Variants in DLG2 observed in about 807,000 individuals in gnomAD.
DLG2 encodes disks large homolog 2.
In DLG2, 45 loss-of-function variants were observed where a neutral mutation model predicts 132.5. That is an observed-to-expected ratio of 0.34 (90% confidence interval 0.27 to 0.44). The LOEUF (loss-of-function observed/expected upper bound fraction) is 0.44. Ranked by LOEUF, DLG2 falls within the 20% of genes least tolerant of loss-of-function variation. The pLI is 1.00. For missense variants in DLG2, 1,045 were observed against 1,196.9 expected (o/e 0.87, Z 1.87); for synonymous variants, 424 against 419.6 (o/e 1.01, Z -0.13).
chr11:83,850,445 G>A (rs991625659), intron 16 of DLG2, among the ~76,000 whole-genome samples: 14 of 152,240 alleles, frequency 9.2e-5, no homozygotes, highest in East Asian at 5.8e-4. Context: ...GAGCCACCGC[G>A]GCAGCCCGGG....
intron 6 of DLG2, among the ~76,000 whole-genome samples, chr11:85,070,681 G>A (rs117987364): frequency 0.019 from 2,949 of 151,828 alleles, 50 homozygotes; most frequent in Admixed American, 0.041. Flanking sequence ...CAAAGACTGT[G>A]CTTCCTCACT....
At chr11:84,146,051 G>A (rs954853302) in intron 9 of DLG2, among the ~76,000 whole-genome samples, 3 of 152,174 alleles carry the variant, frequency 2.0e-5, no homozygotes, top group African/African-American at 7.2e-5. Flanking sequence ...TTCCAAATCA[G>A]AAAGGTTTCT....
chr11:84,053,788 T>G (rs1036198029), intron 11 of DLG2, among the ~76,000 whole-genome samples: 1 of 152,008 alleles, frequency 6.6e-6, no homozygotes, highest in African/African-American at 2.4e-5. Context: ...TTATGAACAT[T>G]ATAAGTGTTC....
At chr11:83,504,154 C>T (rs181979991) in intron 21 of DLG2, among the ~76,000 whole-genome samples, 63 of 152,320 alleles carry the variant, frequency 4.1e-4, no homozygotes, top group African/African-American at 1.3e-3. Context: ...ATCCTTATGA[C>T]AATTACACTC....
chr11:84,233,642 C>T (rs980225330), intron 8 of DLG2, among the ~76,000 whole-genome samples: 1 of 152,162 alleles, frequency 6.6e-6, no homozygotes, highest in Non-Finnish European at 1.5e-5. Context: ...AAATGGCACA[C>T]CTGGTCTAAC....
At chr11:84,651,735 T>G (rs2099682295) in intron 6 of DLG2, among the ~76,000 whole-genome samples, 1 of 152,200 alleles carries the variant, frequency 6.6e-6, no homozygotes, top group Non-Finnish European at 1.5e-5. Context: ...GTGACTTGTA[T>G]AATCTATGGG....
intron 7 of DLG2, among the ~76,000 whole-genome samples, chr11:84,446,718 A>T (rs776733689): frequency 4.6e-5 from 7 of 152,160 alleles, no homozygotes; most frequent in Non-Finnish European, 1.0e-4. Context: ...GTCCTTTCAC[A>T]AATGAGAATC....
chr11:85,586,256 A>G (rs2078963668), intron 3 of DLG2, among the ~76,000 whole-genome samples: 1 of 152,088 alleles, frequency 6.6e-6, no homozygotes, highest in Admixed American at 6.5e-5. Context: ...GTCTTTCTCT[A>G]TCTTTTGGAA....
intron 19 of DLG2, among the ~76,000 whole-genome samples, chr11:83,570,908 G>A (rs887607476): frequency 2.0e-5 from 3 of 152,134 alleles, no homozygotes; most frequent in African/African-American, 7.2e-5. Context: ...TTGAAATGGA[G>A]TTTTGCTCTT....
At chr11:84,532,430 T>C (rs1026889872) in intron 7 of DLG2, among the ~76,000 whole-genome samples, 3 of 152,102 alleles carry the variant, frequency 2.0e-5, no homozygotes, top group Admixed American at 2.0e-4. Context: ...TTGGGAGGTA[T>C]GCTCTAGAGG....
At chr11:83,889,586 T>C (rs1247453557) in intron 15 of DLG2, among the ~76,000 whole-genome samples, 1 of 152,196 alleles carries the variant, frequency 6.6e-6, no homozygotes, top group Non-Finnish European at 1.5e-5. Context: ...GCATGCCATT[T>C]GACCCAGCCA....
chr11:84,705,050 C>T lies in DLG2; in HGVS notation c.358-170319G>A, dbSNP rs189031599. Among the ~76,000 whole-genome samples, 9 of 151,646 alleles carry T rather than the reference C, an allele frequency of 5.9e-5. No homozygotes were observed. The East Asian group carries it at 1.8e-3, about 30-fold the overall frequency. ...GTTAATTTAAGAACAAACTTTTTAG[C>T]TGGTTGCTCTTAGCAACAGTCTTTA... is the stretch of plus-strand genomic sequence containing the variant. On this transcript the variant is annotated intron_variant, in intron 6 of 27. Coordinates refer to ENST00000376104, the MANE Select transcript of DLG2 (RefSeq NM_001142699.3).
At chr11:83,613,616 G>A (rs2060411802) in intron 19 of DLG2, among the ~76,000 whole-genome samples, 1 of 152,162 alleles carries the variant, frequency 6.6e-6, no homozygotes. Context: ...AATGTTAAAT[G>A]TGATTAAAAT....
chr11:83,962,981 T>C lies in DLG2; in HGVS notation c.1244A>G (p.Asn415Ser). Residue 415 changes from asparagine to serine, a missense_variant, in exon 14 of 28, where the codon AAT (asparagine) becomes AGT (serine). Around this residue, in one of 4 missense-constraint regions of DLG2, gnomAD observed 261 missense variants for 256.1 expected, o/e 1.02. Transcript: ENST00000376104. ...GGAGGTTTTATATTCTAAAGTGCCA[T>C]TGTTGCCAGAGAGTAGATGGTTTTC... ...PMENHLLSGN[N>S]GTLEYKTSLP... is the part of the protein sequence containing the mutation. The C allele has an allele frequency of 6.2e-7, 1 of 1,613,026 alleles. No homozygotes were observed. Among genetic ancestry groups the C allele is most frequent in the Non-Finnish European group, 8.5e-7 (1 of 1,179,112 alleles).
Position 83,805,273 on chromosome 11 carries a change from G to A in DLG2, c.1723-18481C>T, listed in dbSNP as rs142519082. Among the ~76,000 whole-genome samples the A allele has an allele frequency of 8.6e-3, 1,299 of 151,856 alleles. 16 individuals carry two copies. The highest frequency in any genetic ancestry group is 0.029 in the African/African-American group (1,200 of 41,458). On this transcript the variant is annotated intron_variant, in intron 17 of 27. Transcript: ENST00000376104. ...TTTCTTGAAATAGTTATTTTGTAGC[G>A]GGTTAAAAAATGGTTATTTTATAAA...
intron 6 of DLG2, among the ~76,000 whole-genome samples, chr11:85,003,736 T>C (rs527667818): frequency 2.0e-5 from 3 of 152,234 alleles, no homozygotes; most frequent in African/African-American, 7.2e-5. Flanking sequence ...ATTTTTTTCA[T>C]TATACTTTAA....
chr11:84,474,656 T>C (rs2099116967), intron 7 of DLG2, among the ~76,000 whole-genome samples: 1 of 152,078 alleles, frequency 6.6e-6, no homozygotes, highest in Non-Finnish European at 1.5e-5. Context: ...TAGCAGATTC[T>C]GAATACAAAT....
At chr11:84,768,651 G>T (rs1486542506) in intron 6 of DLG2, among the ~76,000 whole-genome samples, 1 of 152,066 alleles carries the variant, frequency 6.6e-6, no homozygotes, top group African/African-American at 2.4e-5. Context: ...AAGTAAAGGA[G>T]CCTGGAGATA....
At chr11:85,603,467 T>G (rs748621052) in intron 2 of DLG2, among the ~76,000 whole-genome samples, 34 of 152,142 alleles carry the variant, frequency 2.2e-4, no homozygotes, top group Non-Finnish European at 5.9e-5. Flanking sequence ...ATTTCCTCAT[T>G]AAAGTCTGCC....
Sources: gnomAD v4.1 joint callset for allele counts (sites outside exome capture counted in the v4.1 genomes callset) on GRCh38, gnomAD v4.1.1 for gene constraint, gnomAD v4.1.1 regional missense constraint, MANE v1.5 for transcripts, NCBI Gene and HGNC (gene_info 2026-07-23, HGNC 2026-07-21) for gene names.